PHIP: variants seen among roughly 807,000 people sequenced by gnomAD.
PHIP encodes PH-interacting protein.
A neutral mutation model predicts 236.8 loss-of-function variants in PHIP; 54 were observed. The ratio of observed to expected loss-of-function variants is 0.23; its 90% CI spans 0.18 to 0.29. The LOEUF (loss-of-function observed/expected upper bound fraction) is 0.29, where lower values mean the gene tolerates loss of function less well. Among genes scored for constraint, PHIP ranks in the 10% least tolerant of loss-of-function variants. The probability of loss-of-function intolerance (pLI) is 1.00; values close to 1 mark genes in which losing one functional copy is unlikely to be tolerated. For missense variants in PHIP, 1,370 were observed against 2,190.8 expected (o/e 0.63, Z 7.48); for synonymous variants, 756 against 718.9 (o/e 1.05, Z -0.83).
Position 78,969,815 on chromosome 6 carries a change from C to A in PHIP, c.3205+20G>T. On this transcript the variant is annotated intron_variant, in intron 27 of 39. Coordinates refer to ENST00000275034, the MANE Select transcript of PHIP (RefSeq NM_017934.7). Reference sequence around the variant, plus strand: ...AAAAAACCACATCAAACATCGATAGCTTCTAAATAAATTACCCACCTATAT... The same window carrying A: ...AAAAAACCACATCAAACATCGATAGATTCTAAATAAATTACCCACCTATAT... 1.6e-6 allele frequency: 2 copies of A among 1,233,608 alleles called. No individual in the cohort carries two copies. The highest frequency in any genetic ancestry group is 2.3e-6 in the Non-Finnish European group (2 of 866,712). The allele number at this position is 1,233,608 out of a possible 1,614,324, so 76.4% of individuals were successfully genotyped here. A position where few individuals can be genotyped will look rare whatever the true frequency, so the allele number is the denominator to read the frequency against.
intron 7 of PHIP, among the ~76,000 whole-genome samples, chr6:79,033,382 A>G (rs947878630): frequency 1.3e-5 from 2 of 152,196 alleles, no homozygotes; most frequent in Non-Finnish European, 2.9e-5. Flanking sequence ...TTTCACCTGT[A>G]ATTGAGAATC....
At chr6:78,941,831 T>C (rs1030492493) in intron 39 of PHIP, among the ~76,000 whole-genome samples, 2 of 152,188 alleles carry the variant, frequency 1.3e-5, no homozygotes, top group Admixed American at 1.3e-4. Context: ...TGTGCCACCA[T>C]TATCATGATT....
At chr6:79,000,632 T>C (rs117747037) in intron 17 of PHIP, among the ~76,000 whole-genome samples, 5,586 of 152,208 alleles carry the variant, frequency 0.037, 101 homozygotes, top group Middle Eastern at 0.051. Flanking sequence ...GGGAACAATC[T>C]GATTTTGCCA....
At chr6:79,033,632 TA>T (rs1319422681) in intron 7 of PHIP, among the ~76,000 whole-genome samples, 1 of 152,182 alleles carries the variant, frequency 6.6e-6, no homozygotes, top group East Asian at 1.9e-4. Context: ...GCCTTTGGCT[TA>T]AAAGAGTATT....
At chr6:79,003,579 C>T (rs1419876971) in intron 16 of PHIP, 151 bp downstream of exon 16, 2 of 457,128 alleles carry the variant, frequency 4.4e-6, no homozygotes, top group East Asian at 3.6e-5. Flanking sequence ...CCTTCCTTTC[C>T]GAAACTAAGT....
chr6:79,025,440 T>C (rs868469160), intron 9 of PHIP, 79 bp downstream of exon 9: 16 of 782,532 alleles, frequency 2.0e-5, no homozygotes, highest in African/African-American at 7.0e-5. Flanking sequence ...TGTATTCCTA[T>C]TGTCGACTAC....
intron 4 of PHIP, among the ~76,000 whole-genome samples, chr6:79,063,499 C>G (rs549199750): frequency 6.6e-6 from 1 of 152,184 alleles, no homozygotes; most frequent in East Asian, 1.9e-4. Flanking sequence ...TCACTGCAAC[C>G]TCCGCCTCCC....
At chr6:78,998,420 A>G (rs1482434313) in intron 17 of PHIP, 29 bp from the exon 18 acceptor site, 1 of 1,601,744 alleles carries the variant, frequency 6.2e-7, no homozygotes, top group South Asian at 1.1e-5. Context: ...AATATTACGA[A>G]TATTTTAGCT....
chr6:79,029,677 G>C (rs915132656), intron 7 of PHIP, among the ~76,000 whole-genome samples: 1 of 151,938 alleles, frequency 6.6e-6, no homozygotes, highest in Non-Finnish European at 1.5e-5. Context: ...TTACAGATGT[G>C]CACCACTACA....
At chr6:78,956,588 G>C (rs1470419058) in intron 32 of PHIP, 1 of 151,988 alleles carries the variant, frequency 6.6e-6, no homozygotes, top group Non-Finnish European at 1.5e-5. Context: ...CCACGATGTG[G>C]CCCCAACTCA....
chr6:78,970,227 A>T (rs1767436459), intron 25 of PHIP, 54 bp from the exon 26 acceptor site: 1 of 1,487,398 alleles, frequency 6.7e-7, no homozygotes, highest in African/African-American at 1.4e-5. Context: ...ACCACAAAAT[A>T]GACTGCTAAA....
chr6:79,021,066 C>G (rs1030829355), intron 9 of PHIP, among the ~76,000 whole-genome samples: 8 of 152,146 alleles, frequency 5.3e-5, no homozygotes, highest in African/African-American at 1.9e-4. Context: ...TTTGTCATTG[C>G]TAATGTTACT....
chr6:78,946,432 G>T, intron 37 of PHIP, 172 bp from the exon 38 acceptor site: 1 of 1,403,614 alleles, frequency 7.1e-7, no homozygotes, highest in Admixed American at 3.1e-5. Context: ...TTTAGTGAAG[G>T]ATCGCTGTAA....
In PHIP at chr6:78,935,821, C is replaced by A; in HGVS notation, c.*4872G>T. ...ATGTACTAAGTGCTTTATGTGATGC[C>A]AAAAAACTTTAAAAAGCAAATAATA... On this transcript the variant is annotated 3_prime_UTR_variant, in exon 40 of 40. Coordinates refer to ENST00000275034, the MANE Select transcript of PHIP (RefSeq NM_017934.7). 1 of 846,070 alleles carries A rather than the reference C, an allele frequency of 1.2e-6. No homozygotes were observed. The highest frequency in any genetic ancestry group is 1.4e-6 in the Non-Finnish European group (1 of 702,990). The allele number at this position is 846,070 out of a possible 1,614,324, so 52.4% of individuals were successfully genotyped here. A position where few individuals can be genotyped will look rare whatever the true frequency, so the allele number is the denominator to read the frequency against.
At chr6:79,074,211 G>T (rs1179357538) in intron 4 of PHIP, among the ~76,000 whole-genome samples, 1 of 151,886 alleles carries the variant, frequency 6.6e-6, no homozygotes, top group Non-Finnish European at 1.5e-5. Context: ...ATTTTACAAG[G>T]AAAAAATTAA....
At chr6:79,032,813 G>GA (rs769872068) in intron 7 of PHIP, among the ~76,000 whole-genome samples, 61 of 151,772 alleles carry the variant, frequency 4.0e-4, no homozygotes, top group Admixed American at 6.6e-4. Flanking sequence ...AATTACAGGT[G>GA]AAACAGGAGG....
intron 34 of PHIP, 95 bp downstream of exon 34, chr6:78,955,135 AAT>A (rs1444197932): frequency 2.2e-6 from 2 of 912,274 alleles, no homozygotes; most frequent in African/African-American, 3.4e-5. Flanking sequence ...TGAAATACTT[AAT>A]GTCTTTTAAA....
At chr6:78,976,085 G>A (rs1768038178) in intron 24 of PHIP, among the ~76,000 whole-genome samples, 2 of 151,316 alleles carry the variant, frequency 1.3e-5, no homozygotes, top group Non-Finnish European at 3.0e-5. Flanking sequence ...TAAGCCAAAA[G>A]AACAAAGCTG....
At chr6:79,014,937 G>A (rs1770769701) in intron 15 of PHIP, 145 bp downstream of exon 15, 4 of 608,472 alleles carry the variant, frequency 6.6e-6, no homozygotes, top group South Asian at 2.4e-5. Context: ...TAAAAGTGTG[G>A]AATAAATCAT....
Sources: gnomAD v4.1 joint callset for allele counts (sites outside exome capture counted in the v4.1 genomes callset) on GRCh38, gnomAD v4.1.1 for gene constraint, MANE v1.5 for transcripts, NCBI Gene and HGNC (gene_info 2026-07-23, HGNC 2026-07-21) for gene names.